The following KIAA1549L variants were observed in gnomAD, a reference collection of about 807,000 sequenced individuals.
The protein encoded by KIAA1549L is UPF0606 protein KIAA1549L.
In KIAA1549L, 88 loss-of-function variants were observed where a neutral mutation model predicts 160.7. The ratio of observed to expected loss-of-function variants is 0.55; its 90% CI spans 0.46 to 0.65. The LOEUF is 0.65. Ranked by LOEUF, KIAA1549L falls within the 30% of genes least tolerant of loss-of-function variation. KIAA1549L has a pLI of 0.00. For synonymous variants in KIAA1549L, 950 were observed against 976.7 expected (o/e 0.97, Z 0.51); for missense variants, 2,258 against 2,437.5 (o/e 0.93, Z 1.55).
intron 1 of KIAA1549L, among the ~76,000 whole-genome samples, chr11:33,435,942 A>C (rs1851370244): frequency 7.2e-6 from 1 of 139,230 alleles, no homozygotes; most frequent in African/African-American, 2.7e-5. Flanking sequence ...GATTCAACCA[A>C]CTTCAGAGCT....
At chr11:33,613,939 C>T (rs1048851680) in intron 15 of KIAA1549L, among the ~76,000 whole-genome samples, 10 of 152,168 alleles carry the variant, frequency 6.6e-5, no homozygotes, top group Non-Finnish European at 1.0e-4. Context: ...TTGCTGTTGG[C>T]GGCCCCAGTC....
At chr11:33,576,500 A>C (rs1855451907) in intron 10 of KIAA1549L, among the ~76,000 whole-genome samples, 1 of 152,050 alleles carries the variant, frequency 6.6e-6, no homozygotes. Flanking sequence ...CATCCTCTTT[A>C]TGTGGACTCC....
At chr11:33,458,187 C>T (rs1851869219) in intron 1 of KIAA1549L, among the ~76,000 whole-genome samples, 1 of 152,198 alleles carries the variant, frequency 6.6e-6, no homozygotes, top group Admixed American at 6.5e-5. Context: ...AAGGTGGGGC[C>T]AGCACAGGGC....
intron 15 of KIAA1549L, among the ~76,000 whole-genome samples, chr11:33,615,056 T>C (rs1850774026): frequency 6.6e-6 from 1 of 152,168 alleles, no homozygotes; most frequent in African/African-American, 2.4e-5. Flanking sequence ...ATCTACTCCA[T>C]ATCATACCCT....
chr11:33,422,819 T>C (rs1191280211), intron 1 of KIAA1549L, among the ~76,000 whole-genome samples: 1 of 152,108 alleles, frequency 6.6e-6, no homozygotes, highest in African/African-American at 2.4e-5. Flanking sequence ...TATGACTTTT[T>C]AAAGTTTTTA....
intron 1 of KIAA1549L, among the ~76,000 whole-genome samples, chr11:33,456,226 G>T (rs1160275997): frequency 6.6e-6 from 1 of 152,160 alleles, no homozygotes; most frequent in Non-Finnish European, 1.5e-5. Flanking sequence ...TCCAATCGAT[G>T]ACCTAATTAA....
At chr11:33,544,389 G>T in intron 2 of KIAA1549L, 53 bp downstream of exon 2, 1 of 1,567,350 alleles carries the variant, frequency 6.4e-7, no homozygotes, top group South Asian at 1.1e-5. Context: ...AAACAGGCAT[G>T]ACTGCTTTTG....
chr11:33,599,064 G>C, intron 13 of KIAA1549L, 117 bp downstream of exon 13: 1 of 1,234,542 alleles, frequency 8.1e-7, no homozygotes, highest in East Asian at 2.5e-5. Flanking sequence ...ACCCTCAGTC[G>C]TTCTTTCTAT....
At chr11:33,609,448 G>T (rs948636316) in intron 14 of KIAA1549L, among the ~76,000 whole-genome samples, 17 of 152,234 alleles carry the variant, frequency 1.1e-4, no homozygotes, top group Non-Finnish European at 1.8e-4. Flanking sequence ...AATTAAGGCC[G>T]AGCCACATTG....
intron 1 of KIAA1549L, among the ~76,000 whole-genome samples, chr11:33,429,917 C>T (rs1003691928): frequency 1.3e-5 from 2 of 152,118 alleles, no homozygotes; most frequent in African/African-American, 4.8e-5. Context: ...CCTGCTTCTT[C>T]TCCTACCCCT....
chr11:33,525,245 T>C (rs1027149032), intron 1 of KIAA1549L, among the ~76,000 whole-genome samples: 17 of 152,128 alleles, frequency 1.1e-4, no homozygotes, highest in African/African-American at 4.1e-4. Flanking sequence ...AACTGTGAGC[T>C]CCCAGAGTGT....
intron 15 of KIAA1549L, 24 bp downstream of exon 15, chr11:33,609,990 A>G: frequency 6.3e-7 from 1 of 1,582,494 alleles, no homozygotes; most frequent in Non-Finnish European, 8.7e-7. Context: ...GGGATTCTGT[A>G]AAGGGTGCTG....
Position 33,670,795 on chromosome 11 carries a change from C to T in KIAA1549L, c.*2641C>T, listed in dbSNP as rs1852648351. On this transcript the variant is annotated 3_prime_UTR_variant, in exon 21 of 21. Coordinates refer to ENST00000658780, the MANE Select transcript of KIAA1549L (RefSeq NM_012194.3). ...GAACAAACACCCTGTTCATCAGAAC[C>T]CTCTAGATAGTCACAGAAGCCACAA... 1 of 152,224 alleles carries T rather than the reference C, an allele frequency of 6.6e-6. No homozygotes were observed. Among genetic ancestry groups the T allele is most frequent in the South Asian group, 2.1e-4 (1 of 4,822 alleles). The allele number at this position is 152,224 out of a possible 1,614,324, so 9.4% of individuals were successfully genotyped here. A position where few individuals can be genotyped will look rare whatever the true frequency, so the allele number is the denominator to read the frequency against.
chr11:33,564,273 A>G (rs181113733), intron 8 of KIAA1549L, among the ~76,000 whole-genome samples: 1 of 152,314 alleles, frequency 6.6e-6, no homozygotes, highest in Non-Finnish European at 1.5e-5. Context: ...GGCTTTGTTC[A>G]GCCTTTACTC....
chr11:33,599,666 C>CTATA (rs1850303234), intron 13 of KIAA1549L, among the ~76,000 whole-genome samples: 1 of 152,190 alleles, frequency 6.6e-6, no homozygotes, highest in South Asian at 2.1e-4. Context: ...GTGGCATTGT[C>CTATA]TATAGATGGC....
At chr11:33,645,079 T>G (rs1431772855) in intron 16 of KIAA1549L, among the ~76,000 whole-genome samples, 3 of 152,212 alleles carry the variant, frequency 2.0e-5, no homozygotes, top group Non-Finnish European at 4.4e-5. Flanking sequence ...TCAGTAGATT[T>G]CAAATTTGAA....
intron 8 of KIAA1549L, among the ~76,000 whole-genome samples, chr11:33,567,228 C>T (rs1047309691): frequency 6.6e-6 from 1 of 152,208 alleles, no homozygotes; most frequent in African/African-American, 2.4e-5. Flanking sequence ...AGGGTGTTCC[C>T]TTTACCTTCC....
Position 33,519,878 on chromosome 11 carries a change from G to C in KIAA1549L, c.239-21924G>C, listed in dbSNP as rs117673329. On this transcript the variant is annotated intron_variant, in intron 1 of 20. Transcript: ENST00000658780. ...CCTCTTTGCCTCCCCGACCCCAGCA[G>C]TAAGAGGTACGAAATATCCTTCTCT... is the stretch of plus-strand genomic sequence containing the variant. Among the ~76,000 whole-genome samples the C allele has an allele frequency of 4.8e-3, 726 of 151,642 alleles. 4 individuals are homozygous for C. Among genetic ancestry groups the C allele is most frequent in the Middle Eastern group, 0.031 (9 of 288 alleles).
At chr11:33,476,959 G>A (rs933719033) in intron 1 of KIAA1549L, among the ~76,000 whole-genome samples, 1 of 152,180 alleles carries the variant, frequency 6.6e-6, no homozygotes, top group Non-Finnish European at 1.5e-5. Context: ...ACCTGTAAGA[G>A]TATTAGGCAC....
Sources: gnomAD v4.1 joint callset for allele counts (sites outside exome capture counted in the v4.1 genomes callset) on GRCh38, gnomAD v4.1.1 for gene constraint, MANE v1.5 for transcripts, NCBI Gene and HGNC (gene_info 2026-07-23, HGNC 2026-07-21) for gene names.